The following TPGS1 variants were observed in gnomAD, a reference collection of about 807,000 sequenced individuals.
TPGS1 encodes the protein gene trap ROSA b-geo 22.
In TPGS1, 18 loss-of-function variants were observed where a neutral mutation model predicts 11.9. The observed-to-expected ratio is 1.51, with a 90% CI of 1.04 to 2.24. The LOEUF (loss-of-function observed/expected upper bound fraction) is 2.24, where lower values mean the gene tolerates loss of function less well. TPGS1 is among the 30% of genes most tolerant of loss of function. TPGS1 has a pLI of 0.00. For synonymous variants in TPGS1, 247 were observed against 218.2 expected (o/e 1.13, Z -1.16); for missense variants, 500 against 443.0 (o/e 1.13, Z -1.16).
chr19:507,744 GT>G lies in TPGS1; in HGVS notation c.239del (p.Val80GlufsTer41). On this transcript the variant is annotated frameshift_variant, in exon 1 of 2. Coordinates refer to ENST00000359315, the MANE Select transcript of TPGS1 (RefSeq NM_033513.3). LOFTEE classifies it high-confidence loss of function. ...YFENMGLRSPVNGGAGEPPGQ... is the reference protein window; with the variant it reads ...YFENMGLRSPXNGGAGEPPGQ... ...CGAGAACATGGGCCTGCGCTCGCCT[GT>G]AAACGGCGGCGCCGGGGAGCCCCCG... is the stretch of plus-strand genomic sequence containing the variant. The G allele has an allele frequency of 7.2e-7, 1 of 1,398,420 alleles. No individual in the cohort carries two copies. Among genetic ancestry groups the G allele is most frequent in the Non-Finnish European group, 9.3e-7 (1 of 1,075,624 alleles). The allele number at this position is 1,398,420 out of a possible 1,614,324, so 86.6% of individuals were successfully genotyped here.
At chr19:513,735 A>G (rs1173437375) in intron 1 of TPGS1, among the ~76,000 whole-genome samples, 1 of 127,320 alleles carries the variant, frequency 7.9e-6, no homozygotes, top group Non-Finnish European at 1.7e-5. Flanking sequence ...ACACCAGCCC[A>G]GCATTACTGA....
chr19:509,181 T>G (rs896287351), intron 1 of TPGS1: 1 of 152,172 alleles, frequency 6.6e-6, no homozygotes, highest in South Asian at 2.1e-4. Context: ...GACCCCACTC[T>G]GAGGGCACCT....
chr19:508,586 G>A (rs1978696690), intron 1 of TPGS1: 1 of 151,888 alleles, frequency 6.6e-6, no homozygotes, highest in South Asian at 2.1e-4. Flanking sequence ...GTCCCCAGAA[G>A]CGGAGCCTGA....
At chr19:508,028 C>T (rs933594624) in intron 1 of TPGS1, 184 bp downstream of exon 1, 1 of 451,950 alleles carries the variant, frequency 2.2e-6, no homozygotes, top group Admixed American at 4.4e-5. Context: ...GGGCTTCGGT[C>T]CGGCGCTAGG....
At position 518,932 on chromosome 19, in the gene TPGS1, A is replaced by C; in HGVS notation, c.382A>C (p.Ser128Arg). ...NNVSVAYECL[S>R]AGGRRKRPGL... is the part of the protein sequence containing the mutation. ...CGTGAGCGTGGCCTACGAGTGCCTG[A>C]GCGCCGGCGGGCGCAGGAAGAGGCC... Residue 128 changes from serine to arginine, a missense_variant, in exon 2 of 2, where the codon AGC (serine) becomes CGC (arginine). Coordinates refer to ENST00000359315, the MANE Select transcript of TPGS1 (RefSeq NM_033513.3). The C allele has an allele frequency of 6.3e-7, 1 of 1,578,546 alleles. No individual in the cohort carries two copies. Among genetic ancestry groups the C allele is most frequent in the Non-Finnish European group, 8.6e-7 (1 of 1,169,500 alleles).
intron 1 of TPGS1, among the ~76,000 whole-genome samples, chr19:511,711 G>A (rs1162221319): frequency 6.6e-6 from 1 of 152,276 alleles, no homozygotes; most frequent in African/African-American, 2.4e-5. Flanking sequence ...AGAGAGGAGA[G>A]CATTTATGCA....
chr19:512,017 G>A (rs183903480), intron 1 of TPGS1, among the ~76,000 whole-genome samples: 2,602 of 152,048 alleles, frequency 0.017, 76 homozygotes, highest in South Asian at 0.11. Flanking sequence ...GACTACAGGC[G>A]CCCCCACCAC....
chr19:507,730 G>A lies in TPGS1; in HGVS notation c.224G>A (p.Gly75Asp), dbSNP rs1978663516. 2.9e-6 allele frequency: 4 copies of A among 1,396,704 alleles called. No homozygotes were observed. The highest frequency in any genetic ancestry group is 3.0e-5 in the African/African-American group (2 of 66,164). The allele number at this position is 1,396,704 out of a possible 1,614,324, so 86.5% of individuals were successfully genotyped here. ...CTGGCTCACTACTTCGAGAACATGG[G>A]CCTGCGCTCGCCTGTAAACGGCGGC... ...AFLAHYFENM[G>D]LRSPVNGGAG... The change falls in exon 1 of 2, where the codon GGC becomes GAC. Residue 75 changes from glycine to aspartate, a missense_variant. Physicochemically the swap from Gly to Asp is moderately conservative, Grantham distance 94. Transcript: ENST00000359315.
rs1218113593 is a variant in TPGS1, at chr19:519,287, G to T, written c.737G>T (p.Arg246Leu). The T allele has an allele frequency of 2.5e-6, 3 of 1,191,438 alleles. No individual in the cohort carries two copies. Among genetic ancestry groups the T allele is most frequent in the East Asian group, 3.7e-5 (1 of 27,002 alleles). The allele number at this position is 1,191,438 out of a possible 1,614,324, so 73.8% of individuals were successfully genotyped here. Reference sequence around the variant, plus strand: ...GCGCGCTTCCTGGAGGCCGGCTCGCGCTTGGGGCCCGACAGCCTGGCGCTG... The same window carrying T: ...GCGCGCTTCCTGGAGGCCGGCTCGCTCTTGGGGCCCGACAGCCTGGCGCTG... ...APARFLEAGS[R>L]LGPDSLALAL... Residue 246 changes from arginine (R) to leucine (L), a missense_variant, in exon 2 of 2, where the codon CGC (arginine) becomes CTC (leucine). Physicochemically the swap from Arg to Leu is moderately radical, Grantham distance 102. Coordinates refer to ENST00000359315, the MANE Select transcript of TPGS1 (RefSeq NM_033513.3).
At chr19:514,342 A>T (rs1439622817) in intron 1 of TPGS1, among the ~76,000 whole-genome samples, 1 of 150,504 alleles carries the variant, frequency 6.6e-6, no homozygotes, top group Non-Finnish European at 1.5e-5. Context: ...ACGTTTACTA[A>T]GCACCTATTG....
At chr19:510,845 G>A (rs187216534) in intron 1 of TPGS1, among the ~76,000 whole-genome samples, 3 of 152,212 alleles carry the variant, frequency 2.0e-5, no homozygotes, top group African/African-American at 4.8e-5. Context: ...CCCCCGACTC[G>A]TCCTCTGGGG....
intron 1 of TPGS1, among the ~76,000 whole-genome samples, chr19:516,268 G>A (rs1286543962): frequency 6.6e-6 from 1 of 152,122 alleles, no homozygotes; most frequent in Admixed American, 6.5e-5. Context: ...TCTGAGCCTC[G>A]AACAAAGGGC....
chr19:516,623 T>C (rs1346070727), intron 1 of TPGS1, among the ~76,000 whole-genome samples: 1 of 152,206 alleles, frequency 6.6e-6, no homozygotes, highest in Non-Finnish European at 1.5e-5. Context: ...GACCTTGTGA[T>C]CCTCCCACCT....
chr19:519,002 G>A lies in TPGS1; in HGVS notation c.452G>A (p.Cys151Tyr). 1 of 1,572,610 alleles carries A rather than the reference G, an allele frequency of 6.4e-7. No individual in the cohort carries two copies. The change falls in exon 2 of 2, where the codon TGC (cysteine) becomes TAC (tyrosine). Residue 151 changes from cysteine (C) to tyrosine (Y), a missense_variant. By Grantham distance (194) the Cys-to-Tyr change is radical. Coordinates refer to ENST00000359315, the MANE Select transcript of TPGS1 (RefSeq NM_033513.3). The part of the protein sequence containing the change: ...RTYSELLRRI[C>Y]RDGQAPEEVV... ...TACAGCGAGCTGCTCAGGCGCATCT[G>A]CCGGGACGGCCAAGCCCCCGAGGAG... is the stretch of plus-strand genomic sequence containing the variant.
At position 519,230 on chromosome 19, in the gene TPGS1, G is replaced by A; in HGVS notation, c.680G>A (p.Gly227Asp). The A allele has an allele frequency of 2.2e-6, 3 of 1,340,982 alleles. No individual in the cohort carries two copies. Among genetic ancestry groups the A allele is most frequent in the Non-Finnish European group, 2.9e-6 (3 of 1,051,822 alleles). The allele number at this position is 1,340,982 out of a possible 1,614,324, so 83.1% of individuals were successfully genotyped here. The change falls in exon 2 of 2, where the codon GGC becomes GAC. Residue 227 changes from glycine to aspartate, a missense_variant. Transcript: ENST00000359315. ...CAGGCCGTGCTGGACACCCTGGAGG[G>A]CGCGCTGCAGGCCAGCGACGCCGCC... ...VGQAVLDTLE[G>D]ALQASDAAAP... is the part of the protein sequence containing the mutation.
At chr19:514,213 ACT>A (rs1978888048) in intron 1 of TPGS1, among the ~76,000 whole-genome samples, 2 of 129,804 alleles carry the variant, frequency 1.5e-5, no homozygotes, top group African/African-American at 3.0e-5. Flanking sequence ...CATTTACTTC[ACT>A]CCCACTGCAC....
rs1434247291 is a variant in TPGS1 at position 519,021 on chromosome 19, C to G, written c.471C>G (p.Pro157=). 4.5e-6 allele frequency: 7 copies of G among 1,561,722 alleles called. No individual in the cohort carries two copies. Among genetic ancestry groups the G allele is most frequent in the East Asian group, 2.3e-5 (1 of 43,092 alleles). ...LRRICRDGQA[P]EEVVAPLLRK... Reference sequence around the variant, plus strand: ...GCATCTGCCGGGACGGCCAAGCCCCCGAGGAGGTGGTGGCGCCGCTGCTGC... The same window carrying G: ...GCATCTGCCGGGACGGCCAAGCCCCGGAGGAGGTGGTGGCGCCGCTGCTGC... Residue 157 remains proline, a synonymous_variant, in exon 2 of 2, where the codon CCC becomes CCG. Coordinates refer to ENST00000359315, the MANE Select transcript of TPGS1 (RefSeq NM_033513.3).
chr19:518,838 G>T (rs771327988), intron 1 of TPGS1, 51 bp from the exon 2 acceptor site: 1 of 1,457,026 alleles, frequency 6.9e-7, no homozygotes. Flanking sequence ...GGAGGCTGGG[G>T]CTGGGTGGGC....
chr19:515,377 C>T (rs984145252), intron 1 of TPGS1, among the ~76,000 whole-genome samples: 2 of 135,970 alleles, frequency 1.5e-5, no homozygotes, highest in African/African-American at 5.7e-5. Flanking sequence ...CTCCAGCCTG[C>T]ACAACACAGT....
Sources: allele counts gnomAD v4.1 joint callset (sites outside exome capture counted in the v4.1 genomes callset), GRCh38; gene constraint gnomAD v4.1.1; transcripts MANE v1.5; gene names NCBI Gene and HGNC (gene_info 2026-07-23, HGNC 2026-07-21).